Variants in FAF1 observed in about 807,000 individuals in gnomAD.
FAF1 encodes the protein Fas associated factor 1.
A neutral mutation model predicts 92.5 loss-of-function variants in FAF1; 25 were observed. That is an observed-to-expected ratio of 0.27 (90% CI 0.20 to 0.38). The LOEUF (loss-of-function observed/expected upper bound fraction) is 0.38. FAF1 is among the 10% of genes least tolerant of loss of function. The pLI, the probability that FAF1 is intolerant of heterozygous loss-of-function variation, is 1.00. For missense variants in FAF1, 636 were observed against 793.3 expected, an observed-to-expected ratio of 0.80 and a Z score of 2.38; for synonymous variants, 234 against 273.2, an observed-to-expected ratio of 0.86 and a Z score of 1.42.
intron 4 of FAF1, among the ~76,000 whole-genome samples, chr1:50,770,339 T>G (rs1285170330): frequency 6.6e-6 from 1 of 152,170 alleles, no homozygotes; most frequent in African/African-American, 2.4e-5. Context: ...GATGATATGA[T>G]AGTATACCTA....
chr1:50,758,367 T>A lies in FAF1; in HGVS notation c.368-13592A>T, dbSNP rs150972474. On this transcript the variant is annotated intron_variant, in intron 4 of 18. Coordinates refer to ENST00000396153, the MANE Select transcript of FAF1 (RefSeq NM_007051.3). ...CCACGCCCAGCACAACATACATTTT[T>A]AACTCAACAAAGACTACCTTCAAAT... Among the ~76,000 whole-genome samples, 117 of 152,354 alleles carry A rather than the reference T, an allele frequency of 7.7e-4. 3 individuals carry two copies. In the East Asian group the frequency reaches 0.021, roughly 28 times the overall value.
chr1:50,654,779 G>A (rs949187600), intron 8 of FAF1, among the ~76,000 whole-genome samples: 1 of 152,040 alleles, frequency 6.6e-6, no homozygotes, highest in African/African-American at 2.4e-5. Flanking sequence ...TTCATTAGTA[G>A]TATCTGAATA....
intron 2 of FAF1, among the ~76,000 whole-genome samples, chr1:50,807,500 T>C (rs1662254172): frequency 6.6e-6 from 1 of 152,194 alleles, no homozygotes. Flanking sequence ...GAACTCATTA[T>C]CATGAGAACA....
intron 1 of FAF1, among the ~76,000 whole-genome samples, chr1:50,903,543 C>G (rs1570120392): frequency 6.6e-6 from 1 of 151,992 alleles, no homozygotes; most frequent in East Asian, 1.9e-4. Flanking sequence ...ACTGTACATG[C>G]ACTAGCAAAA....
chr1:50,763,493 T>G (rs751110808), intron 4 of FAF1, among the ~76,000 whole-genome samples: 1 of 152,076 alleles, frequency 6.6e-6, no homozygotes, highest in Non-Finnish European at 1.5e-5. Context: ...TTCGTTAAAA[T>G]TTCCCCCTTT....
chr1:50,444,416 C>T (rs776200523), intron 18 of FAF1, among the ~76,000 whole-genome samples: 4 of 152,182 alleles, frequency 2.6e-5, no homozygotes, highest in Admixed American at 6.5e-5. Context: ...TGTCAGCCCT[C>T]TTTGAATATC....
At chr1:50,506,553 C>T (rs547816301) in intron 15 of FAF1, among the ~76,000 whole-genome samples, 2 of 152,180 alleles carry the variant, frequency 1.3e-5, no homozygotes, top group South Asian at 2.1e-4. Context: ...AGTAGCTTCA[C>T]TTCTGTACTA....
At chr1:50,512,953 T>C (rs190957011) in intron 15 of FAF1, among the ~76,000 whole-genome samples, 1 of 152,288 alleles carries the variant, frequency 6.6e-6, no homozygotes, top group Non-Finnish European at 1.5e-5. Flanking sequence ...AGTCTGCCTT[T>C]AGGTAATCAC....
intron 13 of FAF1, among the ~76,000 whole-genome samples, chr1:50,548,071 C>T (rs565774840): frequency 2.8e-4 from 43 of 152,238 alleles, no homozygotes; most frequent in African/African-American, 1.0e-3. Context: ...CTTTCCAGGG[C>T]CTGAATAAGA....
chr1:50,462,809 A>G (rs1305404170), intron 18 of FAF1, among the ~76,000 whole-genome samples: 2 of 152,188 alleles, frequency 1.3e-5, no homozygotes, highest in Non-Finnish European at 2.9e-5. Flanking sequence ...TTGCTACAGG[A>G]CTAAGTTATG....
chr1:50,876,351 T>C (rs1445299679), intron 1 of FAF1, among the ~76,000 whole-genome samples: 3 of 152,156 alleles, frequency 2.0e-5, no homozygotes, highest in Non-Finnish European at 2.9e-5. Flanking sequence ...CACTGTTCAA[T>C]AAAAGGAACC....
At chr1:50,682,346 TA>T (rs1375140881) in intron 7 of FAF1, among the ~76,000 whole-genome samples, 1 of 151,722 alleles carries the variant, frequency 6.6e-6, no homozygotes, top group Non-Finnish European at 1.5e-5. Context: ...TTTTAAAAAA[TA>T]AAAAAATCAG....
chr1:50,617,638 A>G lies in FAF1; in HGVS notation c.745-21422T>C, dbSNP rs1478254595. ...TTTATGGTCTCTGCCAGATTATAGT[A>G]TTAGGGTGACGCTGGCCTCACAGCA... On this transcript the variant is annotated intron_variant, in intron 8 of 18. Transcript: ENST00000396153. 4.1e-5 allele frequency among the ~76,000 whole-genome samples: 6 copies of G among 147,288 alleles called. No homozygotes were observed. The East Asian group carries it at 1.2e-3, about 29-fold the overall frequency.
chr1:50,524,355 G>A (rs1284026169), intron 15 of FAF1, among the ~76,000 whole-genome samples: 1 of 152,082 alleles, frequency 6.6e-6, no homozygotes, highest in Non-Finnish European at 1.5e-5. Context: ...CTCTGCTGAT[G>A]TGTGTTTTGC....
At chr1:50,708,869 G>T (rs1338281733) in intron 6 of FAF1, among the ~76,000 whole-genome samples, 1 of 152,196 alleles carries the variant, frequency 6.6e-6, no homozygotes, top group East Asian at 1.9e-4. Context: ...AGGCATTAAA[G>T]GTGGGAAGGG....
chr1:50,887,707 G>A (rs1455389425), intron 1 of FAF1, among the ~76,000 whole-genome samples: 1 of 151,978 alleles, frequency 6.6e-6, no homozygotes, highest in African/African-American at 2.4e-5. Flanking sequence ...GCATTATTTT[G>A]GAGGGCTCTG....
At chr1:50,799,850 T>G (rs1420231443) in intron 3 of FAF1, among the ~76,000 whole-genome samples, 8 of 152,208 alleles carry the variant, frequency 5.3e-5, no homozygotes, top group African/African-American at 9.7e-5. Flanking sequence ...CCTTCTACTT[T>G]CAGTGTTCAG....
chr1:50,765,543 A>C (rs796866091), intron 4 of FAF1, among the ~76,000 whole-genome samples: 1 of 152,228 alleles, frequency 6.6e-6, no homozygotes, highest in African/African-American at 2.4e-5. Flanking sequence ...AAATGTAGTG[A>C]AAGTTGGATA....
chr1:50,670,062 G>A (rs12727950), intron 7 of FAF1, among the ~76,000 whole-genome samples: 208 of 151,130 alleles, frequency 1.4e-3, no homozygotes, highest in African/African-American at 4.9e-3. Context: ...TGGAGGTTGC[G>A]GTGAGCCGAG....
Sources: allele counts gnomAD v4.1 joint callset (sites outside exome capture counted in the v4.1 genomes callset), GRCh38; gene constraint gnomAD v4.1.1; transcripts MANE v1.5; gene names NCBI Gene and HGNC (gene_info 2026-07-23, HGNC 2026-07-21).